NRIP1: variants seen among roughly 807,000 people sequenced by gnomAD.
NRIP1 encodes the protein nuclear receptor interacting protein 1.
A neutral mutation model predicts 75.0 loss-of-function variants in NRIP1; 28 were observed. That is an observed-to-expected ratio of 0.37 (90% CI 0.28 to 0.51). NRIP1 has a LOEUF of 0.51. Ranked by LOEUF, NRIP1 falls within the 20% of genes least tolerant of loss-of-function variation. NRIP1 has a pLI of 0.92. For synonymous variants in NRIP1, 526 were observed against 487.6 expected, an observed-to-expected ratio of 1.08 and a Z score of -1.04; for missense variants, 1,435 against 1,343.7, an observed-to-expected ratio of 1.07 and a Z score of -1.06.
chr21:15,012,564 T>G (rs2088132264), intron 3 of NRIP1, among the ~76,000 whole-genome samples: 1 of 143,668 alleles, frequency 7.0e-6, no homozygotes, highest in Non-Finnish European at 1.5e-5. Context: ...GTGATTCTCC[T>G]GCCTCAGCCT....
At chr21:15,023,380 G>A (rs2088426706) in intron 2 of NRIP1, among the ~76,000 whole-genome samples, 1 of 152,020 alleles carries the variant, frequency 6.6e-6, no homozygotes, top group Non-Finnish European at 1.5e-5. Context: ...AATTAATTCT[G>A]GCTAAATATT....
chr21:14,971,835 A>G (rs2086909320), intron 3 of NRIP1, among the ~76,000 whole-genome samples: 1 of 152,262 alleles, frequency 6.6e-6, no homozygotes. Context: ...ACTTTCTTCT[A>G]GAGAAGTGGA....
chr21:14,980,046 T>A (rs1014290930), intron 3 of NRIP1, among the ~76,000 whole-genome samples: 5 of 152,224 alleles, frequency 3.3e-5, no homozygotes, highest in Admixed American at 3.3e-4. Context: ...AAACACAGAC[T>A]TAACTTGTAA....
intron 3 of NRIP1, among the ~76,000 whole-genome samples, chr21:14,990,724 T>TG (rs1041524302): frequency 1.3e-5 from 2 of 152,308 alleles, no homozygotes; most frequent in Admixed American, 1.3e-4. Flanking sequence ...ATGTTGAAGT[T>TG]GGCCAGCAAA....
chr21:15,018,004 T>TA (rs1312726885), intron 2 of NRIP1, among the ~76,000 whole-genome samples: 1 of 152,074 alleles, frequency 6.6e-6, no homozygotes, highest in Non-Finnish European at 1.5e-5. Flanking sequence ...CATTAATACT[T>TA]AAAGTTTTCC....
chr21:15,016,906 G>A (rs2088244298), intron 2 of NRIP1, among the ~76,000 whole-genome samples: 2 of 147,268 alleles, frequency 1.4e-5, no homozygotes, highest in Admixed American at 1.4e-4. Context: ...AGGAAAGAAG[G>A]AAGGAAAGAA....
At chr21:14,988,839 C>T (rs1600838672) in intron 3 of NRIP1, among the ~76,000 whole-genome samples, 1 of 152,068 alleles carries the variant, frequency 6.6e-6, no homozygotes, top group Admixed American at 6.5e-5. Context: ...CTTCATGAGG[C>T]CACATTTCAG....
At position 15,022,278 on chromosome 21, in the gene NRIP1, C is replaced by T. The variant is rs567592609; in HGVS notation, c.-457-7812G>A. Among the ~76,000 whole-genome samples, 8 of 152,226 alleles carry T rather than the reference C, an allele frequency of 5.3e-5. No homozygotes were observed. The East Asian group carries it at 5.8e-4, about 11-fold the overall frequency. ...GAAGCCATTATCCTCAGCAAACTAA[C>T]GCGGAACAGAAAACCAAGCACTGTA... On this transcript the variant is annotated intron_variant, in intron 2 of 3. Coordinates refer to ENST00000318948, the MANE Select transcript of NRIP1 (RefSeq NM_003489.4).
chr21:15,037,927 G>T lies in NRIP1; in HGVS notation c.-458+5568C>A, dbSNP rs2088871224. On this transcript the variant is annotated intron_variant, in intron 2 of 3. Transcript: ENST00000318948. The stretch of plus-strand genomic sequence containing the variant: ...AAAGACCAAATAGAAAGTTACTGCA[G>T]TAACTATCTAATAACTATCTAATAA... Among the ~76,000 whole-genome samples, 3 of 152,106 alleles carry T rather than the reference G, an allele frequency of 2.0e-5. No homozygotes were observed. The South Asian group carries it at 6.2e-4, about 32-fold the overall frequency.
At chr21:15,052,525 AAGG>A (rs2089222645) in intron 1 of NRIP1, 1 of 152,198 alleles carries the variant, frequency 6.6e-6, no homozygotes, top group Admixed American at 6.5e-5. Flanking sequence ...CAACACTCAC[AAGG>A]TAGTATGTAC....
At chr21:14,974,533 T>A (rs1319138109) in intron 3 of NRIP1, among the ~76,000 whole-genome samples, 1 of 152,180 alleles carries the variant, frequency 6.6e-6, no homozygotes, top group African/African-American at 2.4e-5. Flanking sequence ...TTCTTTACAA[T>A]CTCCTCTATC....
chr21:14,980,211 C>G (rs1271808028), intron 3 of NRIP1, among the ~76,000 whole-genome samples: 1 of 152,086 alleles, frequency 6.6e-6, no homozygotes, highest in Non-Finnish European at 1.5e-5. Flanking sequence ...TTAGTGCAGG[C>G]TAGATGTGGT....
chr21:15,019,466 A>ATTT (rs2088315760), intron 2 of NRIP1, among the ~76,000 whole-genome samples: 1 of 80,838 alleles, frequency 1.2e-5, no homozygotes, highest in African/African-American at 4.4e-5. Context: ...AAACAACTGC[A>ATTT]TTTCTTTTTT....
chr21:15,046,979 G>A (rs1231558177), intron 1 of NRIP1, among the ~76,000 whole-genome samples: 1 of 152,164 alleles, frequency 6.6e-6, no homozygotes, highest in Admixed American at 6.6e-5. Flanking sequence ...GAATGTTATG[G>A]CTGCTTTGAT....
At chr21:14,968,576 G>A (rs559804123) in intron 3 of NRIP1, 50 bp from the exon 4 acceptor site, 11 of 174,374 alleles carry the variant, frequency 6.3e-5, no homozygotes, top group Non-Finnish European at 1.2e-4. Flanking sequence ...CTAGAATCAC[G>A]TTATGATACC....
At chr21:15,037,191 G>A (rs2088855365) in intron 2 of NRIP1, among the ~76,000 whole-genome samples, 1 of 152,134 alleles carries the variant, frequency 6.6e-6, no homozygotes, top group Non-Finnish European at 1.5e-5. Flanking sequence ...TCTGAGTACT[G>A]TCATAATTAC....
chr21:15,031,249 T>A, intron 2 of NRIP1, among the ~76,000 whole-genome samples: 1 of 142,898 alleles, frequency 7.0e-6, no homozygotes, highest in East Asian at 2.6e-4. Flanking sequence ...GGTTGGAGGT[T>A]CACCACATTC....
At position 14,965,524 on chromosome 21, in the gene NRIP1, A is replaced by G; in HGVS notation, c.2669T>C (p.Leu890Pro). 2 of 1,614,044 alleles carry G rather than the reference A, an allele frequency of 1.2e-6. No individual in the cohort carries two copies. Among genetic ancestry groups the G allele is most frequent in the Non-Finnish European group, 1.7e-6 (2 of 1,179,940 alleles). The change falls in exon 4 of 4, where the codon CTG becomes CCG. Residue 890 changes from leucine to proline, a missense_variant. Transcript: ENST00000318948. Reference protein sequence around the residue: ...AANNHSAPEVLYGSLLNQEEL... With the variant: ...AANNHSAPEVPYGSLLNQEEL... ...TTCCTGGTTAAGCAAGGACCCATACAGTACTTCTGGGGCACTGTGATTGTT... is the reference window on the plus strand; with the variant it reads ...TTCCTGGTTAAGCAAGGACCCATACGGTACTTCTGGGGCACTGTGATTGTT...
rs73172389 is a variant in NRIP1 at position 15,012,837 on chromosome 21, A to T, written c.-335+1507T>A. On this transcript the variant is annotated intron_variant, in intron 3 of 3. Transcript: ENST00000318948. ...GGCTGTGTATATTTACCAGATGGCTACCTATAATTTACTTATCCAACTCCT... is the reference window on the plus strand; with the variant it reads ...GGCTGTGTATATTTACCAGATGGCTTCCTATAATTTACTTATCCAACTCCT... 5.0e-3 allele frequency among the ~76,000 whole-genome samples: 755 copies of T among 152,194 alleles called. 3 individuals carry two copies. Among genetic ancestry groups the T allele is most frequent in the Middle Eastern group, 0.041 (12 of 294 alleles).
Sources: allele counts gnomAD v4.1 joint callset (sites outside exome capture counted in the v4.1 genomes callset), GRCh38; gene constraint gnomAD v4.1.1; transcripts MANE v1.5; gene names NCBI Gene and HGNC (gene_info 2026-07-23, HGNC 2026-07-21).